The following PHF14 variants were observed in gnomAD, a reference collection of about 807,000 sequenced individuals.
PHF14 encodes the protein PHD finger protein 14.
A neutral mutation model predicts 117.9 loss-of-function variants in PHF14; 55 were observed. The observed-to-expected ratio is 0.47, with a 90% confidence interval of 0.38 to 0.58. The LOEUF is 0.58. Ranked by LOEUF, PHF14 falls within the 20% of genes least tolerant of loss-of-function variation. The pLI is 0.00. For synonymous variants in PHF14, 409 were observed against 368.6 expected (o/e 1.11, Z -1.26); for missense variants, 978 against 1,122.2 (o/e 0.87, Z 1.84).
intron 17 of PHF14, among the ~76,000 whole-genome samples, chr7:11,156,631 T>C (rs1583509689): frequency 1.3e-5 from 2 of 151,924 alleles, no homozygotes; most frequent in East Asian, 1.9e-4. Context: ...CTATCTCTAC[T>C]AAAAAATACA....
At chr7:11,064,835 C>T (rs1658303630) in intron 16 of PHF14, among the ~76,000 whole-genome samples, 1 of 151,890 alleles carries the variant, frequency 6.6e-6, no homozygotes, top group African/African-American at 2.4e-5. Context: ...GGTTTTCCCC[C>T]CGTTGTACAT....
At chr7:11,137,555 A>G (rs1049036219) in intron 17 of PHF14, among the ~76,000 whole-genome samples, 3 of 151,460 alleles carry the variant, frequency 2.0e-5, no homozygotes, top group Non-Finnish European at 2.9e-5. Context: ...TCTAAAGTTA[A>G]ACATTAATCA....
intron 17 of PHF14, among the ~76,000 whole-genome samples, chr7:11,114,464 C>T (rs1787536574): frequency 6.6e-6 from 1 of 152,010 alleles, no homozygotes; most frequent in Non-Finnish European, 1.5e-5. Flanking sequence ...TTCCGTAAGT[C>T]TAATAAGATT....
chr7:11,022,818 G>A, intron 5 of PHF14, 50 bp from the exon 6 acceptor site: 2 of 1,035,716 alleles, frequency 1.9e-6, no homozygotes, highest in Non-Finnish European at 1.4e-6. Flanking sequence ...TTTTGTGTGT[G>A]GGAATTTTAT....
intron 14 of PHF14, among the ~76,000 whole-genome samples, chr7:11,060,756 A>G (rs933510830): frequency 6.6e-6 from 1 of 152,210 alleles, no homozygotes; most frequent in African/African-American, 2.4e-5. Context: ...CTTCCATAAT[A>G]TAATTAAAAC....
At chr7:10,974,690 C>T in intron 1 of PHF14, 145 bp from the exon 2 acceptor site, 1 of 615,024 alleles carries the variant, frequency 1.6e-6, no homozygotes, top group African/African-American at 1.8e-5. Flanking sequence ...TTCTGCACCC[C>T]AACCTTCTCC....
chr7:11,077,146 A>G (rs1321866129), intron 16 of PHF14, among the ~76,000 whole-genome samples: 1 of 151,986 alleles, frequency 6.6e-6, no homozygotes, highest in Non-Finnish European at 1.5e-5. Context: ...ATGGTCATCT[A>G]TTTACTAAAT....
In PHF14 at chr7:11,049,474, C is replaced by CA. The variant is rs11342926; in HGVS notation, c.2313-2119dup. ...TGGGCGACTTAGCAAGACTGTCTCTCAAAAAAAAAAAAAAAAAAAGTGTAA... is the reference window on the plus strand; with the variant it reads ...TGGGCGACTTAGCAAGACTGTCTCTCAAAAAAAAAAAAAAAAAAAAGTGTAA... On this transcript the variant is annotated intron_variant, in intron 13 of 17. Coordinates refer to ENST00000634607, the MANE Select transcript of PHF14 (RefSeq NM_001007157.2). Among the ~76,000 whole-genome samples the CA allele has an allele frequency of 7.1e-3, 780 of 110,328 alleles. 2 individuals carry two copies. Among genetic ancestry groups the CA allele is most frequent in the Middle Eastern group, 0.056 (11 of 196 alleles). The allele number at this position is 110,328 out of a possible 152,430, so 72.4% of individuals were successfully genotyped here. A position where few individuals can be genotyped will look rare whatever the true frequency, so the allele number is the denominator to read the frequency against.
chr7:10,996,781 A>C (rs2128311943), intron 4 of PHF14, among the ~76,000 whole-genome samples: 1 of 152,312 alleles, frequency 6.6e-6, no homozygotes, highest in Admixed American at 6.5e-5. Context: ...TTGGCTTATC[A>C]ACCTTCTTTG....
intron 17 of PHF14, among the ~76,000 whole-genome samples, chr7:11,146,141 C>A (rs1296065030): frequency 6.6e-6 from 1 of 152,012 alleles, no homozygotes; most frequent in African/African-American, 2.4e-5. Context: ...TATTTATATA[C>A]ATTACAAATA....
At chr7:11,036,791 A>G (rs1378638742) in intron 9 of PHF14, 103 bp downstream of exon 9, 4 of 1,087,008 alleles carry the variant, frequency 3.7e-6, no homozygotes, top group South Asian at 1.6e-5. Context: ...GCCATGCTGC[A>G]TATATCATAG....
At chr7:10,998,815 G>C (rs1319539580) in intron 4 of PHF14, among the ~76,000 whole-genome samples, 2 of 152,066 alleles carry the variant, frequency 1.3e-5, no homozygotes, top group African/African-American at 4.8e-5. Context: ...GATGCTGAGG[G>C]CACTATCTCT....
chr7:11,155,008 C>T (rs544392843), intron 17 of PHF14, among the ~76,000 whole-genome samples: 1 of 152,168 alleles, frequency 6.6e-6, no homozygotes, highest in South Asian at 2.1e-4. Flanking sequence ...TCCTTACTAT[C>T]TATCTGTAGG....
chr7:10,983,227 A>T, intron 3 of PHF14, 68 bp downstream of exon 3: 2 of 1,509,542 alleles, frequency 1.3e-6, no homozygotes, highest in Non-Finnish European at 1.8e-6. Flanking sequence ...ATCACTCTAC[A>T]CATTGTATTA....
intron 17 of PHF14, among the ~76,000 whole-genome samples, chr7:11,162,700 CTTTT>C (rs5882294): frequency 3.9e-5 from 5 of 127,952 alleles, no homozygotes; most frequent in African/African-American, 5.9e-5. Context: ...AATCCAAAGT[CTTTT>C]TTTTTTTTTT....
intron 13 of PHF14, among the ~76,000 whole-genome samples, chr7:11,047,548 C>A (rs1206181008): frequency 6.6e-6 from 1 of 151,088 alleles, no homozygotes; most frequent in Admixed American, 6.6e-5. Flanking sequence ...GTAATCCCAG[C>A]ACTTTGGGAG....
rs571530213 is a variant in PHF14 at position 11,085,326 on chromosome 7, A to T, written c.2654+23241A>T. On this transcript the variant is annotated intron_variant, in intron 16 of 17. Transcript: ENST00000634607. ...AATGTCATATTCTTCTGTTGATTTAAAACAATTTATTAGTTTTCAGAGGCT... is the reference window on the plus strand; with the variant it reads ...AATGTCATATTCTTCTGTTGATTTATAACAATTTATTAGTTTTCAGAGGCT... Among the ~76,000 whole-genome samples, 362 of 152,308 alleles carry T rather than the reference A, an allele frequency of 2.4e-3. 2 individuals are homozygous for T. Among genetic ancestry groups the T allele is most frequent in the African/African-American group, 8.4e-3 (348 of 41,574 alleles).
At chr7:11,032,575 A>G (rs996278885) in intron 7 of PHF14, among the ~76,000 whole-genome samples, 2 of 152,130 alleles carry the variant, frequency 1.3e-5, no homozygotes, top group African/African-American at 4.8e-5. Flanking sequence ...TAATCCATAG[A>G]TGGATTTTGT....
At chr7:11,111,302 T>G in intron 16 of PHF14, 48 bp from the exon 17 acceptor site, 1 of 891,442 alleles carries the variant, frequency 1.1e-6, no homozygotes, top group South Asian at 1.5e-5. Flanking sequence ...AGTAGATGGT[T>G]TTTATATTAT....
Sources: allele counts gnomAD v4.1 joint callset (sites outside exome capture counted in the v4.1 genomes callset), GRCh38; gene constraint gnomAD v4.1.1; transcripts MANE v1.5; gene names NCBI Gene and HGNC (gene_info 2026-07-23, HGNC 2026-07-21).